The following KCNMA1 variants were observed in gnomAD, a reference collection of about 807,000 sequenced individuals.
The protein encoded by KCNMA1 is potassium calcium-activated channel subfamily M alpha 1.
A neutral mutation model predicts 140.0 loss-of-function variants in KCNMA1; 29 were observed. The observed-to-expected ratio is 0.21, with a 90% CI of 0.15 to 0.28. The LOEUF is 0.28. Among genes scored for constraint, KCNMA1 ranks in the 10% least tolerant of loss-of-function variants. The pLI, the probability that KCNMA1 is intolerant of heterozygous loss-of-function variation, is 1.00. For synonymous variants in KCNMA1, 612 were observed against 611.9 expected, an observed-to-expected ratio of 1.00 and a Z score of 0.00; for missense variants, 880 against 1,602.2, an observed-to-expected ratio of 0.55 and a Z score of 7.70.
chr10:77,161,302 C>A (rs2098551642), intron 5 of KCNMA1, among the ~76,000 whole-genome samples: 1 of 152,176 alleles, frequency 6.6e-6, no homozygotes, highest in East Asian at 1.9e-4. Flanking sequence ...GGCTGGGGTA[C>A]AGCGGCATGA....
intron 1 of KCNMA1, among the ~76,000 whole-genome samples, chr10:77,441,455 G>A (rs1354374172): frequency 6.6e-6 from 1 of 152,088 alleles, no homozygotes; most frequent in Non-Finnish European, 1.5e-5. Flanking sequence ...AGGAAGAAGG[G>A]GGATACTTCA....
At chr10:76,963,029 C>CCTAAATTAT (rs1375460647) in intron 20 of KCNMA1, among the ~76,000 whole-genome samples, 6 of 152,146 alleles carry the variant, frequency 3.9e-5, no homozygotes, top group African/African-American at 1.2e-4. Flanking sequence ...GAAGGACAAC[C>CCTAAATTAT]CTAAATTATG....
At chr10:77,341,053 G>A (rs189125011) in intron 2 of KCNMA1, among the ~76,000 whole-genome samples, 111 of 152,226 alleles carry the variant, frequency 7.3e-4, no homozygotes, top group Admixed American at 1.6e-3. Context: ...TCTCTGCAGG[G>A]GGTTAAGCAC....
At chr10:77,367,392 G>A (rs1603429321) in intron 2 of KCNMA1, among the ~76,000 whole-genome samples, 1 of 152,134 alleles carries the variant, frequency 6.6e-6, no homozygotes, top group African/African-American at 2.4e-5. Context: ...GGAATGAAAT[G>A]AGCTGAATCT....
chr10:77,112,809 G>A (rs934040577), intron 6 of KCNMA1, among the ~76,000 whole-genome samples: 6 of 150,678 alleles, frequency 4.0e-5, no homozygotes, highest in African/African-American at 7.3e-5. Context: ...TATCCCCCCC[G>A]CCCTTTTTTC....
chr10:77,608,148 G>A (rs370345338), intron 1 of KCNMA1, among the ~76,000 whole-genome samples: 4 of 152,118 alleles, frequency 2.6e-5, no homozygotes, highest in African/African-American at 9.6e-5. Flanking sequence ...ACCCACCCCT[G>A]GCTAATGCCT....
chr10:77,230,261 G>C (rs894953560), intron 3 of KCNMA1, among the ~76,000 whole-genome samples: 1 of 152,236 alleles, frequency 6.6e-6, no homozygotes, highest in African/African-American at 2.4e-5. Context: ...ACAGAAAGCA[G>C]ATCAGTGGTT....
intron 2 of KCNMA1, among the ~76,000 whole-genome samples, chr10:77,300,957 T>A (rs2076398163): frequency 6.6e-6 from 1 of 152,224 alleles, no homozygotes; most frequent in South Asian, 2.1e-4. Flanking sequence ...TTAATGGAAG[T>A]GAGGCCCGGG....
intron 2 of KCNMA1, among the ~76,000 whole-genome samples, chr10:77,374,744 C>A (rs908920176): frequency 6.6e-6 from 1 of 152,118 alleles, no homozygotes; most frequent in African/African-American, 2.4e-5. Context: ...GAATACAAAC[C>A]CCAAAAACAA....
intron 2 of KCNMA1, among the ~76,000 whole-genome samples, chr10:77,358,773 A>G (rs2093703392): frequency 6.6e-6 from 1 of 152,224 alleles, no homozygotes; most frequent in Admixed American, 6.5e-5. Flanking sequence ...ATTACTTACA[A>G]TCCTAAAAGA....
At chr10:77,475,198 C>T (rs1026947212) in intron 1 of KCNMA1, among the ~76,000 whole-genome samples, 2 of 152,200 alleles carry the variant, frequency 1.3e-5, no homozygotes, top group Admixed American at 6.5e-5. Context: ...CTATGCCAAG[C>T]ATGCTCACCA....
At chr10:77,470,429 A>G (rs2098125336) in intron 1 of KCNMA1, among the ~76,000 whole-genome samples, 1 of 152,116 alleles carries the variant, frequency 6.6e-6, no homozygotes, top group Non-Finnish European at 1.5e-5. Context: ...GAAGAGCTTC[A>G]TCCAGAAATG....
intron 2 of KCNMA1, among the ~76,000 whole-genome samples, chr10:77,293,832 G>T (rs570164685): frequency 2.0e-5 from 3 of 152,222 alleles, no homozygotes; most frequent in East Asian, 1.9e-4. Context: ...CCCAAAATGC[G>T]ACTAATCTGG....
At chr10:77,394,565 A>G (rs2154447652) in intron 2 of KCNMA1, among the ~76,000 whole-genome samples, 1 of 152,312 alleles carries the variant, frequency 6.6e-6, no homozygotes, top group Middle Eastern at 3.4e-3. Flanking sequence ...TCTCAGACAT[A>G]TTCTCCTGAC....
intron 1 of KCNMA1, among the ~76,000 whole-genome samples, chr10:77,448,660 T>A (rs532730584): frequency 2.0e-5 from 3 of 152,368 alleles, no homozygotes; most frequent in Non-Finnish European, 1.5e-5. Flanking sequence ...CGTGTACTTC[T>A]GTATTATTTG....
chr10:77,302,504 A>G (rs2076768889), intron 2 of KCNMA1, among the ~76,000 whole-genome samples: 1 of 152,064 alleles, frequency 6.6e-6, no homozygotes, highest in African/African-American at 2.4e-5. Flanking sequence ...TCTCACAGCT[A>G]CCATGACTGT....
At chr10:77,366,180 A>G (rs2094348268) in intron 2 of KCNMA1, among the ~76,000 whole-genome samples, 1 of 116,310 alleles carries the variant, frequency 8.6e-6, no homozygotes, top group South Asian at 2.8e-4. Flanking sequence ...CTTTCTTTCT[A>G]TTTTTGAGAT....
rs746791489 is a variant in KCNMA1 at position 77,184,853 on chromosome 10, G to A, written c.666C>T (p.Asn222=). 31 of 1,612,194 alleles carry A rather than the reference G, an allele frequency of 1.9e-5. No individual in the cohort carries two copies. The highest frequency in any genetic ancestry group is 4.0e-5 in the African/African-American group (3 of 74,890). Residue 222 remains asparagine (N), a synonymous_variant, in exon 4 of 28, where the codon AAC becomes AAT. Transcript: ENST00000286628. The stretch of plus-strand genomic sequence containing the variant: ...AGCCGAAGTAGAGAAGGAAGAACAC[G>A]TTGAAAGCCATGTCGATCTGTAATG... The part of the protein sequence containing the change: ...DFTLQIDMAF[N]VFFLLYFGLR...
At chr10:77,583,264 C>T (rs932075704) in intron 1 of KCNMA1, among the ~76,000 whole-genome samples, 3 of 152,186 alleles carry the variant, frequency 2.0e-5, no homozygotes, top group Non-Finnish European at 4.4e-5. Context: ...ACAACTAGTC[C>T]CACTATGAAG....
Sources: allele counts gnomAD v4.1 joint callset (sites outside exome capture counted in the v4.1 genomes callset), GRCh38; gene constraint gnomAD v4.1.1; transcripts MANE v1.5; gene names NCBI Gene and HGNC (gene_info 2026-07-23, HGNC 2026-07-21).